The following RYR2 variants were observed in gnomAD, a reference collection of about 807,000 sequenced individuals.
RYR2 encodes ryanodine receptor 2.
Under a neutral mutation model 601.1 loss-of-function variants are expected in RYR2, and 227 were observed. The ratio of observed to expected loss-of-function variants is 0.38; its 90% confidence interval spans 0.34 to 0.42. The LOEUF is 0.42. Ranked by LOEUF, RYR2 falls within the 10% of genes least tolerant of loss-of-function variation. RYR2 has a pLI of 1.00. For missense variants in RYR2, 4,646 were observed against 6,156.5 expected (o/e 0.75, Z 8.21); for synonymous variants, 2,223 against 2,175.1 (o/e 1.02, Z -0.61).
At chr1:237,527,894 G>A (rs1052938368) in intron 24 of RYR2, among the ~76,000 whole-genome samples, 2 of 152,140 alleles carry the variant, frequency 1.3e-5, no homozygotes, top group African/African-American at 2.4e-5. Flanking sequence ...GCCATTTTGA[G>A]CAGTGTGATG....
At chr1:237,347,128 C>T (rs2042052) in intron 3 of RYR2, among the ~76,000 whole-genome samples, 34,371 of 151,780 alleles carry the variant, frequency 0.23, 4,015 homozygotes, top group East Asian at 0.36. Flanking sequence ...TGAGAGCAGC[C>T]TGGGCAACAA....
chr1:237,553,631 A>G (rs887114011), intron 27 of RYR2, among the ~76,000 whole-genome samples: 1 of 151,910 alleles, frequency 6.6e-6, no homozygotes, highest in Admixed American at 6.6e-5. Flanking sequence ...TTTGGGAAGA[A>G]TTGATATTTT....
intron 1 of RYR2, among the ~76,000 whole-genome samples, chr1:237,164,445 C>T (rs1400270329): frequency 3.9e-5 from 6 of 152,112 alleles, no homozygotes; most frequent in South Asian, 4.1e-4. Context: ...TAGGTTTGGG[C>T]TCTTGGGGTA....
intron 1 of RYR2, among the ~76,000 whole-genome samples, chr1:237,246,937 T>G (rs1299153575): frequency 6.6e-6 from 1 of 152,238 alleles, no homozygotes; most frequent in Non-Finnish European, 1.5e-5. Flanking sequence ...TCAATTTTAG[T>G]GGAAGATGCA....
intron 1 of RYR2, among the ~76,000 whole-genome samples, chr1:237,204,856 G>C (rs886532717): frequency 2.6e-5 from 4 of 152,214 alleles, no homozygotes; most frequent in Non-Finnish European, 5.9e-5. Context: ...TGTGGTGATG[G>C]AGAAAACAGA....
intron 2 of RYR2, 37 bp downstream of exon 2, chr1:237,270,653 A>G (rs1689590262): frequency 1.3e-6 from 2 of 1,552,972 alleles, no homozygotes; most frequent in East Asian, 2.4e-5. Context: ...CAAATATGCA[A>G]GTTTTACTAG....
chr1:237,815,352 T>C (rs1212129663), intron 100 of RYR2, among the ~76,000 whole-genome samples: 1 of 152,218 alleles, frequency 6.6e-6, no homozygotes, highest in Non-Finnish European at 1.5e-5. Flanking sequence ...CAGCCATGTA[T>C]TGGAAGTTAT....
At chr1:237,714,198 G>A (rs572748731) in intron 71 of RYR2, among the ~76,000 whole-genome samples, 11 of 152,100 alleles carry the variant, frequency 7.2e-5, no homozygotes, top group Non-Finnish European at 1.6e-4. Flanking sequence ...CTTGATGGAG[G>A]CTTGTAAAAT....
chr1:237,548,502 A>G lies in RYR2; in HGVS notation c.2978A>G (p.Glu993Gly), dbSNP rs760019189. 2.5e-6 allele frequency: 4 copies of G among 1,614,006 alleles called. No individual in the cohort carries two copies. Among genetic ancestry groups the G allele is most frequent in the Non-Finnish European group, 3.4e-6 (4 of 1,179,882 alleles). The change falls in exon 26 of 105, where the codon GAA (glutamate) becomes GGA (glycine). Residue 993 changes from glutamate (E) to glycine (G), a missense_variant. Physicochemically the swap from Glu to Gly is moderately conservative, Grantham distance 98 (BLOSUM62 -2). This residue lies in a region of RYR2 where 1,807 missense variants were observed against 2,088.1 expected (regional missense o/e 0.87). Transcript: ENST00000366574. ...LSFIKLTPSQ[E>G]AMVDKLAENA... is the part of the protein sequence containing the mutation. ...TTTATCAAACTCACCCCATCACAAG[A>G]AGCAATGGTGGACAAGTTGGCAGAA...
At chr1:237,683,022 C>G (rs180842152) in intron 62 of RYR2, among the ~76,000 whole-genome samples, 4 of 152,132 alleles carry the variant, frequency 2.6e-5, no homozygotes, top group Admixed American at 1.3e-4. Flanking sequence ...ATAATACTTT[C>G]GGAAAATGAT....
At chr1:237,773,210 A>G (rs930365233) in intron 86 of RYR2, among the ~76,000 whole-genome samples, 17 of 152,204 alleles carry the variant, frequency 1.1e-4, no homozygotes, top group African/African-American at 4.1e-4. Flanking sequence ...AATTTTGCTC[A>G]TGCATAAATA....
At chr1:237,325,181 A>G (rs1696029747) in intron 2 of RYR2, among the ~76,000 whole-genome samples, 1 of 152,218 alleles carries the variant, frequency 6.6e-6, no homozygotes, top group Admixed American at 6.5e-5. Flanking sequence ...TTCAGCAGGA[A>G]TATGGTGTAT....
At chr1:237,096,832 C>T (rs929946791) in intron 1 of RYR2, among the ~76,000 whole-genome samples, 2 of 152,232 alleles carry the variant, frequency 1.3e-5, no homozygotes, top group Middle Eastern at 3.4e-3. Context: ...CATCTCATGC[C>T]CCCTATAAAT....
intron 17 of RYR2, among the ~76,000 whole-genome samples, chr1:237,487,355 T>C (rs1015519019): frequency 4.6e-5 from 7 of 152,126 alleles, no homozygotes; most frequent in African/African-American, 1.4e-4. Context: ...GTTTCTCATT[T>C]GTTGTCCTTT....
intron 12 of RYR2, among the ~76,000 whole-genome samples, chr1:237,439,864 A>T (rs920228280): frequency 1.3e-5 from 2 of 152,008 alleles, no homozygotes; most frequent in Non-Finnish European, 2.9e-5. Context: ...TCACTGTTCT[A>T]TTCTGAAGAG....
intron 1 of RYR2, among the ~76,000 whole-genome samples, chr1:237,048,637 G>A (rs866375330): frequency 2.0e-5 from 3 of 152,050 alleles, no homozygotes; most frequent in South Asian, 2.1e-4. Context: ...AACCAATTCC[G>A]ATTTTACCTT....
intron 1 of RYR2, among the ~76,000 whole-genome samples, chr1:237,185,719 C>T (rs1241428289): frequency 6.6e-6 from 1 of 152,084 alleles, no homozygotes; most frequent in Non-Finnish European, 1.5e-5. Context: ...AAGCAAATGG[C>T]ATTGATCAGT....
chr1:237,580,394 T>C (rs1275665166), intron 29 of RYR2, among the ~76,000 whole-genome samples: 1 of 151,524 alleles, frequency 6.6e-6, no homozygotes, highest in Admixed American at 6.6e-5. Flanking sequence ...TGACCTCAGA[T>C]GATCCGCCTG....
At chr1:237,652,280 T>C (rs778548392) in intron 51 of RYR2, among the ~76,000 whole-genome samples, 1 of 152,216 alleles carries the variant, frequency 6.6e-6, no homozygotes, top group Non-Finnish European at 1.5e-5. Context: ...ATCACTGGTA[T>C]TTTCTCTAAC....
Sources: gnomAD v4.1 joint callset for allele counts (sites outside exome capture counted in the v4.1 genomes callset) on GRCh38, gnomAD v4.1.1 for gene constraint, gnomAD v4.1.1 regional missense constraint, MANE v1.5 for transcripts, NCBI Gene and HGNC (gene_info 2026-07-23, HGNC 2026-07-21) for gene names.